The following PUM1 variants were observed in gnomAD, a reference collection of about 807,000 sequenced individuals.
PUM1 encodes the protein pumilio RNA binding family member 1.
A neutral mutation model predicts 131.8 loss-of-function variants in PUM1; 13 were observed. The ratio of observed to expected loss-of-function variants is 0.10; its 90% CI spans 0.06 to 0.16. The LOEUF (loss-of-function observed/expected upper bound fraction) is 0.16. Ranked by LOEUF, PUM1 falls within the 10% of genes least tolerant of loss-of-function variation. PUM1 has a pLI of 1.00. For synonymous variants in PUM1, 509 were observed against 556.5 expected (o/e 0.91, Z 1.20); for missense variants, 961 against 1,512.4 (o/e 0.64, Z 6.05).
chr1:31,048,848 AC>A (rs1343460547), intron 2 of PUM1, among the ~76,000 whole-genome samples: 1 of 152,026 alleles, frequency 6.6e-6, no homozygotes, highest in Non-Finnish European at 1.5e-5. Flanking sequence ...TCCTATCATG[AC>A]CTTTTATTCC....
chr1:31,027,671 A>C (rs1042084602), intron 3 of PUM1, among the ~76,000 whole-genome samples: 3 of 152,212 alleles, frequency 2.0e-5, no homozygotes, highest in Non-Finnish European at 4.4e-5. Context: ...AAAGAAAGCA[A>C]GGATCTCAGT....
intron 2 of PUM1, among the ~76,000 whole-genome samples, chr1:31,039,186 T>A (rs1273068142): frequency 6.8e-6 from 1 of 146,032 alleles, no homozygotes; most frequent in African/African-American, 2.6e-5. Context: ...TTTATAGCAA[T>A]GAGGTCTCCC....
rs1380708075 is a variant in PUM1 at position 31,007,012 on chromosome 1, T to C, written c.523A>G (p.Ser175Gly). The change falls in exon 4 of 22, where the codon AGT becomes GGT. Residue 175 changes from serine (S) to glycine (G), a missense_variant. By Grantham distance (56) the Ser-to-Gly change is moderately conservative. Around this residue, in one of 4 missense-constraint regions of PUM1, gnomAD observed 654 missense variants for 923.9 expected, o/e 0.71. Transcript: ENST00000426105. ...GIFLGDQWRD[S>G]AWGTSDHSVS... is the part of the protein sequence containing the mutation. ...AGATTACCTGATGTTCCCCAGGCACTGTCTCGCCATTGATCACCCAGGAAT... is the reference window on the plus strand; with the variant it reads ...AGATTACCTGATGTTCCCCAGGCACCGTCTCGCCATTGATCACCCAGGAAT... 2 of 1,613,656 alleles carry C rather than the reference T, an allele frequency of 1.2e-6. No individual in the cohort carries two copies. Among genetic ancestry groups the C allele is most frequent in the Admixed American group, 1.7e-5 (1 of 59,992 alleles).
intron 20 of PUM1, 99 bp downstream of exon 20, chr1:30,941,052 C>T (rs1639421967): frequency 1.7e-6 from 2 of 1,166,490 alleles, no homozygotes; most frequent in South Asian, 1.8e-5. Flanking sequence ...ACTTTGAAAA[C>T]AACAACAACA....
intron 3 of PUM1, 59 bp from the exon 4 acceptor site, chr1:31,007,161 G>T (rs1469858926): frequency 1.3e-5 from 17 of 1,292,750 alleles, no homozygotes; most frequent in Non-Finnish European, 1.6e-5. Context: ...AAGTACAGCA[G>T]TCAACACTTT....
intron 20 of PUM1, among the ~76,000 whole-genome samples, chr1:30,939,276 T>A (rs556758770): frequency 6.6e-6 from 1 of 152,226 alleles, no homozygotes; most frequent in Non-Finnish European, 1.5e-5. Flanking sequence ...ATAGTCAAAC[T>A]ACAAACTTCT....
At chr1:30,984,021 T>C (rs559825372) in intron 7 of PUM1, among the ~76,000 whole-genome samples, 1 of 152,324 alleles carries the variant, frequency 6.6e-6, no homozygotes, top group South Asian at 2.1e-4. Flanking sequence ...CATATAACAT[T>C]AGCTTGTGGT....
chr1:30,969,223 G>C (rs1027291677), intron 10 of PUM1, among the ~76,000 whole-genome samples: 24 of 147,464 alleles, frequency 1.6e-4, no homozygotes, highest in Non-Finnish European at 3.0e-5. Flanking sequence ...AGAATCACTT[G>C]AACCTGGGAG....
intron 21 of PUM1, among the ~76,000 whole-genome samples, chr1:30,934,429 C>T (rs1280723890): frequency 2.0e-5 from 3 of 152,160 alleles, no homozygotes; most frequent in Non-Finnish European, 4.4e-5. Flanking sequence ...CAATTTTTGT[C>T]TGTTTAGCTG....
At chr1:31,057,848 A>G (rs577768049) in intron 2 of PUM1, among the ~76,000 whole-genome samples, 94 of 152,226 alleles carry the variant, frequency 6.2e-4, no homozygotes, top group Non-Finnish European at 1.1e-3. Flanking sequence ...CAGAAGCACT[A>G]GAAGCCTAAT....
At position 31,059,517 on chromosome 1, in the gene PUM1, G is replaced by A. The variant is rs1570376131; in HGVS notation, c.50C>T (p.Ser17Phe). Reference protein sequence around the residue: ...LKRKAVLWQDSFSPHLKHHPQ... With the variant: ...LKRKAVLWQDFFSPHLKHHPQ... ...GTGATGTTTCAGGTGGGGGCTGAAA[G>A]AGTCCTGCCAAAGCACTGCTTTTCT... The change falls in exon 2 of 22, where the codon TCT becomes TTT. Residue 17 changes from serine to phenylalanine, a missense_variant. By Grantham distance (155) the Ser-to-Phe change is radical. Transcript: ENST00000426105. 1.2e-6 allele frequency: 2 copies of A among 1,613,982 alleles called. No homozygotes were observed. The highest frequency in any genetic ancestry group is 2.7e-5 in the African/African-American group (2 of 74,912).
Position 30,950,191 on chromosome 1 carries a change from T to C in PUM1, c.2792A>G (p.Gln931Arg). The C allele has an allele frequency of 6.2e-7, 1 of 1,614,148 alleles. No homozygotes were observed. Residue 931 changes from glutamine to arginine, a missense_variant, in exon 17 of 22, where the codon CAG becomes CGG. Gln to Arg is a conservative substitution (Grantham distance 43, BLOSUM62 1). Around this residue, in one of 4 missense-constraint regions of PUM1, gnomAD observed 12 missense variants for 60.3 expected, o/e 0.20. Transcript: ENST00000426105. ...IRGHVLSLAL[Q>R]MYGCRVIQKA... ...CTGGATAACACGGCAGCCATACATC[T>C]GTAGTGCCAATGACAGGACGTGGCC...
At chr1:30,966,369 T>C in intron 12 of PUM1, 91 bp from the exon 13 acceptor site, 1 of 1,278,316 alleles carries the variant, frequency 7.8e-7, no homozygotes, top group Middle Eastern at 2.8e-4. Context: ...AATCTTTTAA[T>C]GCTGCCTATC....
chr1:30,945,603 A>C, intron 17 of PUM1, 120 bp from the exon 18 acceptor site: 1 of 1,063,320 alleles, frequency 9.4e-7, no homozygotes, highest in South Asian at 1.6e-5. Context: ...ATGAAAGTGG[A>C]ATAGCAGCTG....
At chr1:30,962,490 G>A (rs1640456530) in intron 14 of PUM1, among the ~76,000 whole-genome samples, 1 of 152,106 alleles carries the variant, frequency 6.6e-6, no homozygotes, top group African/African-American at 2.4e-5. Flanking sequence ...TCAGCTCACT[G>A]CAGCCTGTCT....
chr1:30,968,258 A>C (rs1640706420), intron 11 of PUM1, 96 bp downstream of exon 11: 5 of 1,544,470 alleles, frequency 3.2e-6, no homozygotes, highest in Non-Finnish European at 4.5e-6. Context: ...GACAAGCCTA[A>C]GCAAGGTGAA....
intron 17 of PUM1, among the ~76,000 whole-genome samples, chr1:30,948,736 T>C (rs989981280): frequency 1.4e-4 from 21 of 152,082 alleles, no homozygotes; most frequent in African/African-American, 5.1e-4. Context: ...GGTGACAGAG[T>C]GAGACCTTGT....
At chr1:30,962,810 A>G (rs1640472451) in intron 14 of PUM1, among the ~76,000 whole-genome samples, 1 of 152,214 alleles carries the variant, frequency 6.6e-6, no homozygotes, top group African/African-American at 2.4e-5. Context: ...AGCAGAGTTA[A>G]ATATTCACTA....
Position 30,966,195 on chromosome 1 carries a change from T to C in PUM1, c.1873A>G (p.Thr625Ala). 1.2e-6 allele frequency: 2 copies of C among 1,614,070 alleles called. No homozygotes were observed. Among genetic ancestry groups the C allele is most frequent in the Admixed American group, 1.7e-5 (1 of 60,020 alleles). The change falls in exon 13 of 22, where the codon ACA becomes GCA. Residue 625 changes from threonine (T) to alanine (A), a missense_variant. Thr to Ala is a moderately conservative substitution (Grantham distance 58). Around this residue, in one of 4 missense-constraint regions of PUM1, gnomAD observed 654 missense variants for 923.9 expected, o/e 0.71. Coordinates refer to ENST00000426105, the MANE Select transcript of PUM1 (RefSeq NM_001020658.2). ...TTNGPFRPLG[T>A]QQPQPQPQQQ... Reference sequence around the variant, plus strand: ...TGGGGCTGGGGCTGAGGCTGCTGTGTTCCTAAAGGGCGAAATGGTCCATTT... The same window carrying C: ...TGGGGCTGGGGCTGAGGCTGCTGTGCTCCTAAAGGGCGAAATGGTCCATTT...
Sources: allele counts gnomAD v4.1 joint callset (sites outside exome capture counted in the v4.1 genomes callset), GRCh38; gene constraint gnomAD v4.1.1; regional missense constraint gnomAD v4.1.1; transcripts MANE v1.5; gene names NCBI Gene and HGNC (gene_info 2026-07-23, HGNC 2026-07-21).